Variants in SMOC2 observed in about 807,000 individuals in gnomAD.
SMOC2 encodes the protein SPARC-related modular calcium-binding protein 2.
SMOC2 carries 39 observed loss-of-function variants against 61.4 expected under a neutral mutation model. The ratio of observed to expected loss-of-function variants is 0.64; its 90% confidence interval spans 0.49 to 0.83. The LOEUF (loss-of-function observed/expected upper bound fraction) is 0.83, where lower values mean the gene tolerates loss of function less well. Among genes scored for constraint, SMOC2 ranks in the 40% least tolerant of loss-of-function variants. The pLI, the probability that SMOC2 is intolerant of heterozygous loss-of-function variation, is 0.00. For missense variants in SMOC2, 556 were observed against 592.9 expected (o/e 0.94, Z 0.65); for synonymous variants, 247 against 239.9 (o/e 1.03, Z -0.27).
chr6:168,591,641 T>A (rs966915410), intron 7 of SMOC2, among the ~76,000 whole-genome samples: 10 of 148,960 alleles, frequency 6.7e-5, no homozygotes, highest in Non-Finnish European at 8.9e-5. Flanking sequence ...AATATAATAC[T>A]ATAAGTAATA....
intron 9 of SMOC2, among the ~76,000 whole-genome samples, chr6:168,643,234 C>G (rs1483749688): frequency 6.6e-6 from 1 of 152,162 alleles, no homozygotes; most frequent in Non-Finnish European, 1.5e-5. Flanking sequence ...ACAGAGGGAG[C>G]ACTGTCACAC....
intron 7 of SMOC2, among the ~76,000 whole-genome samples, chr6:168,557,671 T>C (rs1474027581): frequency 6.6e-6 from 1 of 152,230 alleles, no homozygotes; most frequent in Non-Finnish European, 1.5e-5. Context: ...GGGTCTGCTG[T>C]TGGCGTCACT....
intron 9 of SMOC2, among the ~76,000 whole-genome samples, chr6:168,639,959 TG>T (rs1221821240): frequency 2.0e-5 from 3 of 152,146 alleles, no homozygotes; most frequent in African/African-American, 7.2e-5. Flanking sequence ...GCTACGGGTG[TG>T]GGCTTTCTCT....
At chr6:168,446,307 G>T (rs1781332111) in intron 1 of SMOC2, among the ~76,000 whole-genome samples, 1 of 152,308 alleles carries the variant, frequency 6.6e-6, no homozygotes, top group Admixed American at 6.5e-5. Flanking sequence ...AGGTTGCAGT[G>T]AGCCGAGATC....
intron 7 of SMOC2, among the ~76,000 whole-genome samples, chr6:168,587,970 G>A (rs919439735): frequency 2.6e-5 from 4 of 151,352 alleles, no homozygotes; most frequent in African/African-American, 9.7e-5. Flanking sequence ...AGCTCTGGAG[G>A]CTGGAAGTCC....
In SMOC2 at chr6:168,441,251, A is replaced by G. The variant is rs1781197457; in HGVS notation, c.-120A>G. The G allele has an allele frequency of 7.4e-7, 1 of 1,346,024 alleles. No homozygotes were observed. The highest frequency in any genetic ancestry group is 9.5e-7 in the Non-Finnish European group (1 of 1,053,996). 83.4% of individuals were successfully genotyped at this position (1,346,024 alleles called of 1,614,324 possible). ...CCGGGCCGCCGGGAGCGGTGGGGAG[A>G]GCATCGCGGAGCCGCCCCTCCACGC... On this transcript the variant is annotated 5_prime_UTR_variant, in exon 1 of 13. Coordinates refer to ENST00000356284, the MANE Select transcript of SMOC2 (RefSeq NM_001166412.2).
chr6:168,445,079 C>T (rs1396749344), intron 1 of SMOC2, among the ~76,000 whole-genome samples: 1 of 152,228 alleles, frequency 6.6e-6, no homozygotes, highest in Non-Finnish European at 1.5e-5. Context: ...GTTGTCTCCA[C>T]ATTCAAGAGA....
chr6:168,458,809 G>A (rs886963524), intron 1 of SMOC2, among the ~76,000 whole-genome samples: 4 of 152,162 alleles, frequency 2.6e-5, no homozygotes, highest in Non-Finnish European at 4.4e-5. Flanking sequence ...TGGTCTGAAC[G>A]CCCACTCCTC....
At position 168,567,617 on chromosome 6, in the gene SMOC2, G is replaced by A. The variant is rs530500216; in HGVS notation, c.637+18414G>A. 1.8e-4 allele frequency among the ~76,000 whole-genome samples: 27 copies of A among 152,112 alleles called. No homozygotes were observed. In the South Asian group the frequency reaches 2.1e-3, roughly 12 times the overall value. On this transcript the variant is annotated intron_variant, in intron 7 of 12. Coordinates refer to ENST00000356284, the MANE Select transcript of SMOC2 (RefSeq NM_001166412.2). ...ATGGTATCTTGTAACATTTTTAGTC[G>A]TTTTCAGAGGTGGCAAAGCAAATAT...
chr6:168,513,718 G>A lies in SMOC2; in HGVS notation c.256+3632G>A, dbSNP rs557029566. On this transcript the variant is annotated intron_variant, in intron 2 of 12. Transcript: ENST00000356284. ...TCCTTGAAGAGCGCTGAGGCTGCGAGTGAGTCCATGCTGTTCTCCATCAGA... is the reference window on the plus strand; with the variant it reads ...TCCTTGAAGAGCGCTGAGGCTGCGAATGAGTCCATGCTGTTCTCCATCAGA... Among the ~76,000 whole-genome samples the A allele has an allele frequency of 9.9e-5, 15 of 152,284 alleles. No individual in the cohort carries two copies. The South Asian group carries it at 1.9e-3, about 19-fold the overall frequency.
chr6:168,581,550 G>A (rs757099780), intron 7 of SMOC2, among the ~76,000 whole-genome samples: 9 of 152,214 alleles, frequency 5.9e-5, no homozygotes, highest in East Asian at 3.8e-4. Flanking sequence ...ATTTCTTGCC[G>A]TCACTGAGTT....
At chr6:168,655,808 G>T (rs1472499178) in intron 11 of SMOC2, among the ~76,000 whole-genome samples, 1 of 151,958 alleles carries the variant, frequency 6.6e-6, no homozygotes, top group African/African-American at 2.4e-5. Flanking sequence ...TGTATGTGCT[G>T]GATCTCCCTG....
chr6:168,449,572 G>T (rs1365712373), intron 1 of SMOC2, among the ~76,000 whole-genome samples: 3 of 152,148 alleles, frequency 2.0e-5, no homozygotes, highest in African/African-American at 7.2e-5. Flanking sequence ...ATGTAATCAA[G>T]AATTTTTTTA....
At position 168,600,409 on chromosome 6, in the gene SMOC2, AAAAAAAAAAAAAC is replaced by A. The variant is rs1229527470; in HGVS notation, c.824+1417_824+1429del. On this transcript the variant is annotated intron_variant, in intron 8 of 12. Coordinates refer to ENST00000356284, the MANE Select transcript of SMOC2 (RefSeq NM_001166412.2). ...GTGACAAGAGCGAAACTCTGCCTCA[AAAAAAAAAAAAAC>A]AAAAAAAAAAACAAAAAAAAAAACA... 7.4e-4 allele frequency among the ~76,000 whole-genome samples: 56 copies of A among 76,080 alleles called. 4 individuals are homozygous for A. The highest frequency in any genetic ancestry group is 2.6e-3 in the African/African-American group (51 of 19,552). The allele number at this position is 76,080 out of a possible 152,430, so 49.9% of individuals were successfully genotyped here. A position where few individuals can be genotyped will look rare whatever the true frequency, so the allele number is the denominator to read the frequency against.
Position 168,527,855 on chromosome 6 carries a change from AG to A in SMOC2, c.463+129del, listed in dbSNP as rs373165940. On this transcript the variant is annotated intron_variant, in intron 4 of 12. Transcript: ENST00000356284. ...CAGTTTGGCCGGCATTGTGAGCCAC[AG>A]TGGGAATAGATCTCGTCACTGACAA... The A allele has an allele frequency of 7.9e-5, 54 of 685,878 alleles. No individual in the cohort carries two copies. In the East Asian group the frequency reaches 1.2e-3, roughly 15 times the overall value. The allele number at this position is 685,878 out of a possible 1,614,324, so 42.5% of individuals were successfully genotyped here.
At chr6:168,472,723 T>C (rs75235955) in intron 1 of SMOC2, among the ~76,000 whole-genome samples, 2,091 of 152,246 alleles carry the variant, frequency 0.014, 31 homozygotes, top group Non-Finnish European at 0.019. Context: ...AGGCATTTTT[T>C]CCCCTCCAAG....
At chr6:168,604,576 T>C (rs1785638809) in intron 8 of SMOC2, among the ~76,000 whole-genome samples, 2 of 152,218 alleles carry the variant, frequency 1.3e-5, no homozygotes, top group Admixed American at 1.3e-4. Flanking sequence ...CCCAGGGAGA[T>C]ACTTCATAGT....
chr6:168,488,049 A>T (rs1000941625), intron 1 of SMOC2, among the ~76,000 whole-genome samples: 2 of 152,218 alleles, frequency 1.3e-5, no homozygotes, highest in Admixed American at 1.3e-4. Flanking sequence ...AAGGCAATAC[A>T]TCTGCAGTCG....
chr6:168,470,117 T>C (rs1284785747), intron 1 of SMOC2, among the ~76,000 whole-genome samples: 7 of 152,200 alleles, frequency 4.6e-5, no homozygotes. Context: ...CTTGAGCCCC[T>C]GCTCCAGAAT....
Sources: gnomAD v4.1 joint callset for allele counts (sites outside exome capture counted in the v4.1 genomes callset) on GRCh38, gnomAD v4.1.1 for gene constraint, MANE v1.5 for transcripts, NCBI Gene and HGNC (gene_info 2026-07-23, HGNC 2026-07-21) for gene names.